Variants in PPP1R12B observed in about 807,000 individuals in gnomAD.
PPP1R12B encodes the protein myosin phosphatase target subunit 2.
Under a neutral mutation model 126.1 loss-of-function variants are expected in PPP1R12B, and 76 were observed. That is an observed-to-expected ratio of 0.60 (90% CI 0.50 to 0.73). PPP1R12B has a LOEUF of 0.73. PPP1R12B is among the 30% of genes least tolerant of loss of function. The probability of loss-of-function intolerance (pLI) is 0.00; values close to 1 mark genes in which losing one functional copy is unlikely to be tolerated. For missense variants in PPP1R12B, 1,052 were observed against 1,205.1 expected, an observed-to-expected ratio of 0.87 and a Z score of 1.88; for synonymous variants, 356 against 434.7, an observed-to-expected ratio of 0.82 and a Z score of 2.25.
intron 10 of PPP1R12B, 175 bp downstream of exon 10, chr1:202,438,199 T>C: frequency 6.4e-7 from 1 of 1,561,098 alleles, no homozygotes; most frequent in Non-Finnish European, 8.6e-7. Context: ...TTGCTTGCTA[T>C]TGTTTGCTTG....
At chr1:202,399,299 C>T (rs1251720217) in intron 1 of PPP1R12B, among the ~76,000 whole-genome samples, 3 of 152,094 alleles carry the variant, frequency 2.0e-5, no homozygotes, top group African/African-American at 7.2e-5. Flanking sequence ...TGGCTTACTG[C>T]AGCCTCATTT....
At position 202,415,142 on chromosome 1, in the gene PPP1R12B, A is replaced by G. The variant is rs537988581; in HGVS notation, c.292-1645A>G. 4.0e-4 allele frequency among the ~76,000 whole-genome samples: 61 copies of G among 152,256 alleles called. 1 individual carries two copies. The South Asian group carries it at 0.012, about 31-fold the overall frequency. On this transcript the variant is annotated intron_variant, in intron 1 of 23. Coordinates refer to ENST00000608999, the MANE Select transcript of PPP1R12B (RefSeq NM_002481.4). Reference sequence around the variant, plus strand: ...AATGCAGCAGAAGTGCTTTATGTATACTTTCCATTTTCTCACACAGAATAT... The same window carrying G: ...AATGCAGCAGAAGTGCTTTATGTATGCTTTCCATTTTCTCACACAGAATAT...
intron 12 of PPP1R12B, among the ~76,000 whole-genome samples, chr1:202,443,294 A>C (rs1293112986): frequency 6.6e-6 from 1 of 152,120 alleles, no homozygotes. Flanking sequence ...TCTGTTTTTT[A>C]TTGCTTACTT....
chr1:202,365,835 C>G (rs1369776869), intron 1 of PPP1R12B, among the ~76,000 whole-genome samples: 1 of 151,798 alleles, frequency 6.6e-6, no homozygotes, highest in African/African-American at 2.4e-5. Flanking sequence ...TACAAAAATA[C>G]AAAAATTAGC....
intron 1 of PPP1R12B, among the ~76,000 whole-genome samples, chr1:202,390,008 A>G (rs978344606): frequency 1.2e-4 from 18 of 152,080 alleles, no homozygotes; most frequent in Middle Eastern, 3.2e-3. Context: ...AGAACAAAGT[A>G]GGAAGACTCA....
rs1206744585 is a variant in PPP1R12B at position 202,473,599 on chromosome 1, C to T, written c.1851-14934C>T. Among the ~76,000 whole-genome samples, 3 of 152,230 alleles carry T rather than the reference C, an allele frequency of 2.0e-5. No individual in the cohort carries two copies. In the East Asian group the frequency reaches 5.8e-4, roughly 29 times the overall value. On this transcript the variant is annotated intron_variant, in intron 13 of 23. Transcript: ENST00000608999. ...GGAAGAATTTCTCTCTTTCACCTCC[C>T]TGTCAAATGAGAAGTAGTATTGATT...
chr1:202,462,918 G>T, intron 13 of PPP1R12B: 3 of 985,384 alleles, frequency 3.0e-6, no homozygotes, highest in Non-Finnish European at 3.6e-6. Context: ...TCTGGCAATA[G>T]AGTTCCTTGC....
intron 1 of PPP1R12B, among the ~76,000 whole-genome samples, chr1:202,398,460 G>C (rs899787190): frequency 2.0e-5 from 3 of 152,198 alleles, no homozygotes; most frequent in African/African-American, 7.2e-5. Flanking sequence ...AGCATTCATT[G>C]ATTTTGATGA....
chr1:202,566,325 T>A (rs901217303), intron 21 of PPP1R12B, among the ~76,000 whole-genome samples: 1 of 152,222 alleles, frequency 6.6e-6, no homozygotes, highest in Admixed American at 6.5e-5. Context: ...TACTTAGTTT[T>A]GCCAAATACA....
chr1:202,525,663 A>AT (rs1341526152), intron 18 of PPP1R12B, among the ~76,000 whole-genome samples: 1 of 150,532 alleles, frequency 6.6e-6, no homozygotes, highest in Non-Finnish European at 1.5e-5. Context: ...TAGCAAGGAA[A>AT]TGGAGTGGCA....
At chr1:202,426,977 T>C in intron 4 of PPP1R12B, 63 bp from the exon 5 acceptor site, 2 of 1,566,584 alleles carry the variant, frequency 1.3e-6, no homozygotes, top group Non-Finnish European at 1.7e-6. Context: ...TAGGTAATAG[T>C]GTATTTGCCA....
In PPP1R12B at chr1:202,368,131, G is replaced by A. The variant is rs375963970; in HGVS notation, c.291+18989G>A. Among the ~76,000 whole-genome samples, 94 of 152,010 alleles carry A rather than the reference G, an allele frequency of 6.2e-4. No homozygotes were observed. In the South Asian group the frequency reaches 0.011, roughly 18 times the overall value. On this transcript the variant is annotated intron_variant, in intron 1 of 23. Coordinates refer to ENST00000608999, the MANE Select transcript of PPP1R12B (RefSeq NM_002481.4). ...ATTATAGGCGCCTGCCACCACACCC[G>A]GCTAATTTTTTGTATTTTTAGTAGA...
At chr1:202,540,353 G>A (rs1313866224) in intron 18 of PPP1R12B, 25 of 876,526 alleles carry the variant, frequency 2.9e-5, no homozygotes, top group Non-Finnish European at 3.7e-5. Flanking sequence ...AGAGCATATG[G>A]GAATCAGTAC....
chr1:202,403,634 T>C (rs542311627), intron 1 of PPP1R12B, among the ~76,000 whole-genome samples: 2 of 152,384 alleles, frequency 1.3e-5, no homozygotes, highest in East Asian at 3.9e-4. Context: ...TGGTTGGCAC[T>C]GATTTCTCTA....
At chr1:202,512,932 G>A (rs538855719) in intron 18 of PPP1R12B, among the ~76,000 whole-genome samples, 15 of 152,286 alleles carry the variant, frequency 9.8e-5, no homozygotes, top group Admixed American at 9.2e-4. Flanking sequence ...ATATGGAGTG[G>A]TAATCATACT....
chr1:202,548,512 G>A (rs912614709), intron 18 of PPP1R12B, among the ~76,000 whole-genome samples: 3 of 151,900 alleles, frequency 2.0e-5, no homozygotes, highest in Admixed American at 6.6e-5. Flanking sequence ...AGGTGTGCTG[G>A]GGCCTCACCA....
intron 18 of PPP1R12B, among the ~76,000 whole-genome samples, chr1:202,548,775 T>TC (rs1685943091): frequency 9.4e-6 from 1 of 106,206 alleles, no homozygotes; most frequent in Non-Finnish European, 1.9e-5. Flanking sequence ...ACTCGCTCGC[T>TC]GTCTCTCTCT....
At chr1:202,547,262 A>G (rs1261626539) in intron 18 of PPP1R12B, among the ~76,000 whole-genome samples, 1 of 152,170 alleles carries the variant, frequency 6.6e-6, no homozygotes, top group African/African-American at 2.4e-5. Context: ...TATTACTGTA[A>G]GAAGACCAAA....
intron 1 of PPP1R12B, among the ~76,000 whole-genome samples, chr1:202,400,318 C>T (rs1034773301): frequency 3.3e-5 from 5 of 152,048 alleles, no homozygotes; most frequent in African/African-American, 9.7e-5. Context: ...CTATTCTGGG[C>T]CCTGGGGATA....
Sources: allele counts gnomAD v4.1 joint callset (sites outside exome capture counted in the v4.1 genomes callset), GRCh38; gene constraint gnomAD v4.1.1; transcripts MANE v1.5; gene names NCBI Gene and HGNC (gene_info 2026-07-23, HGNC 2026-07-21).